Variants in SNURF observed in about 807,000 individuals in gnomAD.
SNURF encodes SNRPN upstream open reading frame.
SNURF carries 6 observed loss-of-function variants against 11.6 expected under a neutral mutation model. The ratio of observed to expected loss-of-function variants is 0.52; its 90% confidence interval spans 0.28 to 1.02. The LOEUF is 1.02. Among genes scored for constraint, SNURF ranks in the 50% least tolerant of loss-of-function variants. SNURF has a pLI of 0.09. For missense variants in SNURF, 84 were observed against 88.4 expected, an observed-to-expected ratio of 0.95 and a Z score of 0.20; for synonymous variants, 29 against 31.6, an observed-to-expected ratio of 0.92 and a Z score of 0.27.
At chr15:24,968,788 TCAG>T (rs1288409266), downstream of SNURF, 1 of 152,304 alleles carries the variant, frequency 6.6e-6, no homozygotes. Context: ...CCTCTTTGAA[TCAG>T]CAGACAATGT....
chr15:24,957,312 A>C (rs776446741), intron 1 of SNURF, among the ~76,000 whole-genome samples: 36 of 152,150 alleles, frequency 2.4e-4, no homozygotes, highest in Non-Finnish European at 4.0e-4. Flanking sequence ...GAAAGCTGCA[A>C]GTTTTGTGCT....
downstream of SNURF, among the ~76,000 whole-genome samples, chr15:24,973,769 A>G (rs1449576543): frequency 2.0e-5 from 3 of 152,090 alleles, no homozygotes; most frequent in Non-Finnish European, 4.4e-5. Context: ...GTCTATATAT[A>G]TATATTCCAT....
chr15:24,977,827 C>T (rs775190561), exon 7 of SNURF: 13 of 1,612,938 alleles, frequency 8.1e-6, no homozygotes, highest in Middle Eastern at 1.6e-4. Context: ...GCTGTTGCTG[C>T]GACTGCCAGT....
intron 1 of SNURF, among the ~76,000 whole-genome samples, chr15:24,956,252 T>C (rs1489737520): frequency 1.3e-5 from 2 of 151,862 alleles, no homozygotes; most frequent in Non-Finnish European, 2.9e-5. Context: ...CTTGGAAGGC[T>C]ATGTCGAAAT....
chr15:24,968,223 G>A (rs531153912), exon 3 of SNURF: 2 of 593,580 alleles, frequency 3.4e-6, no homozygotes, highest in Admixed American at 2.8e-5. Flanking sequence ...GTTTTAGAAA[G>A]TTTTGCAGGA....
At chr15:24,963,922 C>T (rs2075242014) in intron 2 of SNURF, among the ~76,000 whole-genome samples, 1 of 151,930 alleles carries the variant, frequency 6.6e-6, no homozygotes, top group South Asian at 2.1e-4. Flanking sequence ...GTCTCAGCTA[C>T]CTGGGAGGCT....
At chr15:24,959,113 T>A (rs2074361194) in intron 1 of SNURF, among the ~76,000 whole-genome samples, 1 of 152,228 alleles carries the variant, frequency 6.6e-6, no homozygotes, top group Non-Finnish European at 1.5e-5. Context: ...TGCTTTTCAA[T>A]ATATTTCCGG....
intron 1 of SNURF, among the ~76,000 whole-genome samples, chr15:24,957,649 C>T (rs866656944): frequency 3.3e-5 from 5 of 152,050 alleles, no homozygotes; most frequent in East Asian, 3.9e-4. Flanking sequence ...CTACGAAGCC[C>T]GAAAAGCCTT....
At chr15:24,965,645 C>T (rs1016943570) in intron 2 of SNURF, among the ~76,000 whole-genome samples, 15 of 152,122 alleles carry the variant, frequency 9.9e-5, no homozygotes, top group African/African-American at 1.7e-4. Flanking sequence ...GATGATGTAT[C>T]GTGAGTTCGA....
downstream of SNURF, among the ~76,000 whole-genome samples, chr15:24,970,421 A>G (rs2076250773): frequency 6.6e-6 from 1 of 152,108 alleles, no homozygotes; most frequent in South Asian, 2.1e-4. Flanking sequence ...TGTTCTAAAA[A>G]TACAAATATT....
In SNURF at chr15:24,956,356, G is replaced by GGGGGGT. The variant is rs1555404329; in HGVS notation, c.14+1297_14+1302dup. Among the ~76,000 whole-genome samples, 3 of 149,642 alleles carry GGGGGGT rather than the reference G, an allele frequency of 2.0e-5. No individual in the cohort carries two copies. The East Asian group carries it at 5.9e-4, about 29-fold the overall frequency. On this transcript the variant is annotated intron_variant, in intron 1 of 2. Coordinates refer to ENST00000577949, the Ensembl canonical transcript of SNURF. ...TTAGATCTGCGCAAGCGCTTCAGCG[G>GGGGGGT]GGGGGTGGCCGCTTCCTCCCTGTAG...
chr15:24,961,580 A>G (rs546680166), intron 1 of SNURF, among the ~76,000 whole-genome samples: 2 of 152,094 alleles, frequency 1.3e-5, no homozygotes, highest in African/African-American at 4.8e-5. Context: ...TGCTATGTGG[A>G]TAGTTTTTAG....
At chr15:24,975,129 G>C (rs1198299030) in intron 3 of SNURF, among the ~76,000 whole-genome samples, 1 of 152,174 alleles carries the variant, frequency 6.6e-6, no homozygotes, top group Non-Finnish European at 1.5e-5. Context: ...ATAATCACCT[G>C]TAAGGAGGTG....
downstream of SNURF, among the ~76,000 whole-genome samples, chr15:24,968,614 C>T (rs1050146670): frequency 3.3e-5 from 5 of 152,114 alleles, no homozygotes; most frequent in Non-Finnish European, 7.4e-5. Flanking sequence ...AACATACTTT[C>T]ACAGCATTAT....
At chr15:24,955,373 G>A (rs987854227) in intron 1 of SNURF, among the ~76,000 whole-genome samples, 1 of 152,026 alleles carries the variant, frequency 6.6e-6, no homozygotes, top group Non-Finnish European at 1.5e-5. Context: ...CGGGGTAACC[G>A]CAGTGGGCAA....
intron 2 of SNURF, among the ~76,000 whole-genome samples, chr15:24,964,391 C>G (rs1161607139): frequency 6.6e-6 from 1 of 152,134 alleles, no homozygotes; most frequent in Non-Finnish European, 1.5e-5. Context: ...CTACCAAGTT[C>G]AAGTGATTCT....
intron 2 of SNURF, among the ~76,000 whole-genome samples, chr15:24,964,735 G>A (rs1339485879): frequency 6.6e-6 from 1 of 152,166 alleles, no homozygotes; most frequent in East Asian, 1.9e-4. Flanking sequence ...TGTTAAGTGG[G>A]TGAAGGTTCT....
intron 1 of SNURF, among the ~76,000 whole-genome samples, chr15:24,956,205 CT>C (rs957743673): frequency 7.9e-5 from 12 of 152,010 alleles, no homozygotes; most frequent in African/African-American, 2.4e-4. Flanking sequence ...CTGGGGGTTA[CT>C]TTTTTTTCAT....
At chr15:24,955,202 G>A in intron 1 of SNURF, 140 bp downstream of exon 1, 2 of 1,175,646 alleles carry the variant, frequency 1.7e-6, no homozygotes, top group Non-Finnish European at 2.5e-6. Flanking sequence ...TGGAGAACCA[G>A]ATCCGGAATG....
Sources: gnomAD v4.1 joint callset for allele counts (sites outside exome capture counted in the v4.1 genomes callset) on GRCh38, gnomAD v4.1.1 for gene constraint, MANE v1.5 for transcripts, NCBI Gene and HGNC (gene_info 2026-07-23, HGNC 2026-07-21) for gene names.